Variants in TNRC6A observed in about 807,000 individuals in gnomAD.
TNRC6A encodes trinucleotide repeat containing adaptor 6A, also known as trinucleotide repeat-containing gene 6A protein.
A neutral mutation model predicts 221.2 loss-of-function variants in TNRC6A; 44 were observed. That is an observed-to-expected ratio of 0.20 (90% CI 0.16 to 0.26). The LOEUF (loss-of-function observed/expected upper bound fraction) is 0.26, where lower values mean the gene tolerates loss of function less well. TNRC6A is among the 10% of genes least tolerant of loss of function. TNRC6A has a pLI of 1.00. For synonymous variants in TNRC6A, 847 were observed against 838.5 expected (o/e 1.01, Z -0.18); for missense variants, 2,199 against 2,404.4 (o/e 0.91, Z 1.79).
chr16:24,718,110 C>G (rs1199856767), intron 2 of TNRC6A, among the ~76,000 whole-genome samples: 1 of 152,080 alleles, frequency 6.6e-6, no homozygotes, highest in Non-Finnish European at 1.5e-5. Context: ...AATATGAATT[C>G]CAAACTTAAT....
intron 2 of TNRC6A, among the ~76,000 whole-genome samples, chr16:24,677,946 A>G (rs2055453103): frequency 6.6e-6 from 1 of 151,996 alleles, no homozygotes; most frequent in Non-Finnish European, 1.5e-5. Flanking sequence ...GCCTTTTGAT[A>G]TTCATACGCT....
upstream of TNRC6A, among the ~76,000 whole-genome samples, chr16:24,727,725 T>C (rs1232870915): frequency 1.3e-5 from 2 of 152,234 alleles, no homozygotes; most frequent in Admixed American, 6.5e-5. Flanking sequence ...TATGAAAGCA[T>C]ATTGTGCCAT....
chr16:24,680,188 G>A (rs1373569533), intron 2 of TNRC6A, among the ~76,000 whole-genome samples: 1 of 151,946 alleles, frequency 6.6e-6, no homozygotes, highest in Non-Finnish European at 1.5e-5. Flanking sequence ...TAGCACTTTG[G>A]GAGGCTGAAG....
chr16:24,708,624 T>C (rs1211423293), intron 2 of TNRC6A, among the ~76,000 whole-genome samples: 1 of 152,030 alleles, frequency 6.6e-6, no homozygotes, highest in Admixed American at 6.6e-5. Flanking sequence ...GTCTCCAATA[T>C]GTAGTCTTTT....
chr16:24,666,554 C>T (rs949775156), intron 2 of TNRC6A, among the ~76,000 whole-genome samples: 4 of 133,894 alleles, frequency 3.0e-5, no homozygotes, highest in Non-Finnish European at 6.2e-5. Context: ...GTGGAAAGAT[C>T]ACTTGAGCCC....
chr16:24,666,529 A>G (rs1313277037), intron 2 of TNRC6A, among the ~76,000 whole-genome samples: 1 of 146,952 alleles, frequency 6.8e-6, no homozygotes, highest in East Asian at 2.0e-4. Flanking sequence ...GGTCCCAGCT[A>G]CTCAGGAGGT....
intron 1 of TNRC6A, among the ~76,000 whole-genome samples, chr16:24,622,197 A>C (rs1900709737): frequency 6.6e-6 from 1 of 152,138 alleles, no homozygotes; most frequent in Non-Finnish European, 1.5e-5. Flanking sequence ...AGGTGGGAGG[A>C]TCTCTAGAGC....
chr16:24,647,112 C>T (rs1429245343), intron 2 of TNRC6A, among the ~76,000 whole-genome samples: 1 of 151,834 alleles, frequency 6.6e-6, no homozygotes, highest in Non-Finnish European at 1.5e-5. Context: ...TTCTATTTTT[C>T]GTAGAGACAG....
rs1555495647 is a variant in TNRC6A at position 24,729,687 on chromosome 16, G to GCGT, written c.-153_-152insTCG. ...GGGGCCTGCGGCGGCGGCGGTGTCG[G>GCGT]CGGCGGCGGCGGCGGCGGCGGCGGC... On this transcript the variant is annotated 5_prime_UTR_variant, in exon 1 of 25. Coordinates refer to ENST00000395799, the MANE Select transcript of TNRC6A (RefSeq NM_014494.4). 2.3e-5 allele frequency: 6 copies of GCGT among 266,524 alleles called. No individual in the cohort carries two copies. The highest frequency in any genetic ancestry group is 3.4e-5 in the Non-Finnish European group (6 of 178,862). The allele number at this position is 266,524 out of a possible 1,614,324, so 16.5% of individuals were successfully genotyped here. A position where few individuals can be genotyped will look rare whatever the true frequency, so the allele number is the denominator to read the frequency against.
intron 11 of TNRC6A, among the ~76,000 whole-genome samples, chr16:24,801,712 A>ACT (rs1184073739): frequency 6.6e-6 from 1 of 151,942 alleles, no homozygotes; most frequent in Non-Finnish European, 1.5e-5. Context: ...CTGGTCGCAA[A>ACT]CTCCTGCCTG....
At chr16:24,809,536 T>C (rs2058502554) in intron 18 of TNRC6A, 55 bp downstream of exon 18, 1 of 1,412,646 alleles carries the variant, frequency 7.1e-7, no homozygotes, top group Non-Finnish European at 9.3e-7. Flanking sequence ...ACCTGCAGAA[T>C]ACTAGATTTA....
chr16:24,620,519 T>C (rs1367465716), intron 1 of TNRC6A, among the ~76,000 whole-genome samples: 1 of 152,172 alleles, frequency 6.6e-6, no homozygotes, highest in Non-Finnish European at 1.5e-5. Context: ...CTGGGTGTTC[T>C]GGCTCAGGCC....
intron 2 of TNRC6A, among the ~76,000 whole-genome samples, chr16:24,689,911 G>A (rs1008303719): frequency 2.8e-5 from 4 of 143,464 alleles, no homozygotes; most frequent in Non-Finnish European, 4.5e-5. Flanking sequence ...CACCAAGGCT[G>A]GCTAATTTTA....
rs189790350 is a variant in TNRC6A, at chr16:24,655,960, G to A, written n.402+14951G>A. On this transcript the variant is annotated intron_variant and non_coding_transcript_variant, in intron 2 of 2. Transcript: ENST00000566108. ...TTTGAGACCAGCCTGGGCAACCTACGGAGACCCTTGTCTTTACAAAAAATT... is the reference window on the plus strand; with the variant it reads ...TTTGAGACCAGCCTGGGCAACCTACAGAGACCCTTGTCTTTACAAAAAATT... 5.4e-5 allele frequency among the ~76,000 whole-genome samples: 8 copies of A among 149,436 alleles called. No individual in the cohort carries two copies. In the South Asian group the frequency reaches 1.1e-3, roughly 20 times the overall value.
intron 6 of TNRC6A, among the ~76,000 whole-genome samples, chr16:24,792,613 C>CTTTTTTTTTTTT (rs34670934): frequency 7.1e-5 from 4 of 56,514 alleles, no homozygotes; most frequent in African/African-American, 2.4e-4. Context: ...ACATTTATGG[C>CTTTTTTTTTTTT]TTTTTTTTTT....
At chr16:24,783,716 G>A (rs891623225) in intron 5 of TNRC6A, among the ~76,000 whole-genome samples, 14 of 152,028 alleles carry the variant, frequency 9.2e-5, no homozygotes, top group East Asian at 1.9e-4. Flanking sequence ...AAACTCAGCC[G>A]CTCCCTTTCT....
intron 15 of TNRC6A, 132 bp downstream of exon 15, chr16:24,805,865 C>CTT (rs1310309554): frequency 3.4e-6 from 4 of 1,192,294 alleles, no homozygotes; most frequent in Admixed American, 2.2e-5. Context: ...AGCTTACAGT[C>CTT]TATCGGGGGA....
chr16:24,742,699 A>G (rs1180639252), intron 2 of TNRC6A, among the ~76,000 whole-genome samples: 1 of 152,198 alleles, frequency 6.6e-6, no homozygotes, highest in Non-Finnish European at 1.5e-5. Flanking sequence ...AGACAGGTGA[A>G]TCACCTGACG....
At chr16:24,625,230 C>A (rs557267222) in intron 1 of TNRC6A, among the ~76,000 whole-genome samples, 2 of 152,320 alleles carry the variant, frequency 1.3e-5, no homozygotes, top group South Asian at 4.1e-4. Flanking sequence ...CTGTGATGCA[C>A]GAGGCTTTGT....
Sources: gnomAD v4.1 joint callset for allele counts (sites outside exome capture counted in the v4.1 genomes callset) on GRCh38, gnomAD v4.1.1 for gene constraint, MANE v1.5 for transcripts, NCBI Gene and HGNC (gene_info 2026-07-23, HGNC 2026-07-21) for gene names.